The following MACROD2 variants were observed in gnomAD, a reference collection of about 807,000 sequenced individuals.
MACROD2 encodes the protein ADP-ribose glycohydrolase MACROD2.
A neutral mutation model predicts 70.4 loss-of-function variants in MACROD2; 36 were observed. The ratio of observed to expected loss-of-function variants is 0.51; its 90% CI spans 0.39 to 0.68. The LOEUF is 0.68. Among genes scored for constraint, MACROD2 ranks in the 30% least tolerant of loss-of-function variants. MACROD2 has a pLI of 0.00. For synonymous variants in MACROD2, 172 were observed against 178.8 expected (o/e 0.96, Z 0.30); for missense variants, 496 against 538.4 (o/e 0.92, Z 0.78).
chr20:14,950,971 G>A (rs1334522224), intron 5 of MACROD2, among the ~76,000 whole-genome samples: 1 of 152,112 alleles, frequency 6.6e-6, no homozygotes, highest in Non-Finnish European at 1.5e-5. Context: ...GAATTAGAAG[G>A]GGGAGATACT....
At chr20:15,459,132 A>G (rs1042381708) in intron 7 of MACROD2, among the ~76,000 whole-genome samples, 1 of 152,180 alleles carries the variant, frequency 6.6e-6, no homozygotes, top group African/African-American at 2.4e-5. Context: ...TAATATCTCA[A>G]AAATGTTACT....
In MACROD2 at chr20:14,246,553, T is replaced by C. The variant is rs569156490; in HGVS notation, c.271+160825T>C. ...CCTCTTCTTTGTATAGACTACACCA[T>C]GCTGCCTCCTAGTTCTGCTTCTGAT... is the stretch of plus-strand genomic sequence containing the variant. On this transcript the variant is annotated intron_variant, in intron 3 of 17. Transcript: ENST00000684519. Among the ~76,000 whole-genome samples the C allele has an allele frequency of 3.3e-5, 5 of 152,322 alleles. No homozygotes were observed. In the East Asian group the frequency reaches 9.7e-4, roughly 29 times the overall value.
At chr20:14,096,622 C>T (rs1309736864) in intron 3 of MACROD2, among the ~76,000 whole-genome samples, 2 of 151,982 alleles carry the variant, frequency 1.3e-5, no homozygotes, top group Non-Finnish European at 2.9e-5. Context: ...GCCCATCCGG[C>T]CTCCAAAAAG....
chr20:15,975,681 C>A (rs986218971), intron 13 of MACROD2, among the ~76,000 whole-genome samples: 1 of 152,076 alleles, frequency 6.6e-6, no homozygotes, highest in African/African-American at 2.4e-5. Flanking sequence ...TACACACATA[C>A]AAGAGAAATA....
chr20:15,762,239 A>C (rs1222204253), intron 8 of MACROD2, among the ~76,000 whole-genome samples: 1 of 152,182 alleles, frequency 6.6e-6, no homozygotes, highest in South Asian at 2.1e-4. Context: ...AATCACAGAA[A>C]TCCTGTGAGG....
At chr20:14,010,601 G>A (rs1290796892) in intron 2 of MACROD2, among the ~76,000 whole-genome samples, 2 of 151,908 alleles carry the variant, frequency 1.3e-5, no homozygotes, top group East Asian at 1.9e-4. Context: ...TTGAATAATA[G>A]GAACCCTTCT....
chr20:15,538,880 GCTACTC>G (rs1431409209), intron 8 of MACROD2, among the ~76,000 whole-genome samples: 1 of 151,878 alleles, frequency 6.6e-6, no homozygotes, highest in Non-Finnish European at 1.5e-5. Context: ...ATGGGTATTT[GCTACTC>G]TACTGCTTTT....
intron 15 of MACROD2, among the ~76,000 whole-genome samples, chr20:16,029,902 G>A (rs2067129934): frequency 6.6e-6 from 1 of 152,142 alleles, no homozygotes; most frequent in African/African-American, 2.4e-5. Flanking sequence ...GAAAATTTAA[G>A]AGGACATACA....
chr20:15,500,885 T>G (rs569940752), intron 8 of MACROD2, among the ~76,000 whole-genome samples: 11 of 152,336 alleles, frequency 7.2e-5, no homozygotes, highest in Non-Finnish European at 1.3e-4. Flanking sequence ...GCAACTTCAA[T>G]TTAAAGGATA....
chr20:14,189,068 A>G (rs2081365535), intron 3 of MACROD2, among the ~76,000 whole-genome samples: 2 of 152,082 alleles, frequency 1.3e-5, no homozygotes, highest in African/African-American at 2.4e-5. Flanking sequence ...TTTTTTAACT[A>G]ATGCTTACAT....
intron 5 of MACROD2, among the ~76,000 whole-genome samples, chr20:14,772,746 T>C (rs1356010959): frequency 2.0e-5 from 3 of 152,092 alleles, no homozygotes; most frequent in Non-Finnish European, 2.9e-5. Flanking sequence ...TGACAGTGAG[T>C]CAGTGCTATT....
intron 8 of MACROD2, among the ~76,000 whole-genome samples, chr20:15,620,174 T>C (rs895242668): frequency 6.6e-6 from 1 of 152,190 alleles, no homozygotes; most frequent in Non-Finnish European, 1.5e-5. Context: ...GCTTTGGATA[T>C]GGCCCAGTTT....
chr20:14,985,222 G>C (rs1240179185), intron 5 of MACROD2, among the ~76,000 whole-genome samples: 1 of 152,138 alleles, frequency 6.6e-6, no homozygotes, highest in African/African-American at 2.4e-5. Context: ...ATTGCATTTT[G>C]AGCTCCTGAC....
intron 3 of MACROD2, among the ~76,000 whole-genome samples, chr20:14,158,672 T>C (rs2148715794): frequency 6.6e-6 from 1 of 152,330 alleles, no homozygotes; most frequent in African/African-American, 2.4e-5. Flanking sequence ...GGGTGTCCTT[T>C]CCCAAAAGTA....
At chr20:14,515,921 G>A (rs2085092599) in intron 4 of MACROD2, among the ~76,000 whole-genome samples, 1 of 149,826 alleles carries the variant, frequency 6.7e-6, no homozygotes, top group South Asian at 2.1e-4. Context: ...TTTCTACAGT[G>A]TATACATAGA....
intron 16 of MACROD2, among the ~76,000 whole-genome samples, chr20:16,043,348 T>A (rs746775167): frequency 6.6e-6 from 1 of 152,056 alleles, no homozygotes; most frequent in African/African-American, 2.4e-5. Flanking sequence ...TCTGAGTCAA[T>A]TGCTGCAGAG....
At chr20:15,001,375 G>A (rs570784148) in intron 5 of MACROD2, among the ~76,000 whole-genome samples, 2 of 152,128 alleles carry the variant, frequency 1.3e-5, no homozygotes, top group Non-Finnish European at 2.9e-5. Context: ...AAGAAAAGTA[G>A]CACAGCACTC....
At chr20:15,878,959 A>G (rs1328885757) in intron 9 of MACROD2, among the ~76,000 whole-genome samples, 1 of 152,142 alleles carries the variant, frequency 6.6e-6, no homozygotes, top group East Asian at 1.9e-4. Flanking sequence ...GCAACAGGGT[A>G]ATCTAACACA....
intron 5 of MACROD2, among the ~76,000 whole-genome samples, chr20:14,968,076 T>C (rs1462634249): frequency 6.6e-6 from 1 of 152,204 alleles, no homozygotes; most frequent in Non-Finnish European, 1.5e-5. Context: ...GTAAGGTGTT[T>C]GCCATACATG....
Sources: allele counts gnomAD v4.1 joint callset (sites outside exome capture counted in the v4.1 genomes callset), GRCh38; gene constraint gnomAD v4.1.1; transcripts MANE v1.5; gene names NCBI Gene and HGNC (gene_info 2026-07-23, HGNC 2026-07-21).